The following EIF2B3 variants were observed in gnomAD, a reference collection of about 807,000 sequenced individuals.
The protein encoded by EIF2B3 is translation initiation factor eIF2B subunit gamma.
Under a neutral mutation model 54.1 loss-of-function variants are expected in EIF2B3, and 20 were observed. The ratio of observed to expected loss-of-function variants is 0.37; its 90% confidence interval spans 0.26 to 0.54. EIF2B3 has a LOEUF of 0.54. Among genes scored for constraint, EIF2B3 ranks in the 20% least tolerant of loss-of-function variants. EIF2B3 has a pLI of 0.86. For missense variants in EIF2B3, 448 were observed against 547.8 expected (o/e 0.82, Z 1.82); for synonymous variants, 153 against 188.1 (o/e 0.81, Z 1.52).
In EIF2B3 at chr1:44,879,835, T is replaced by C. The variant is rs757731187; in HGVS notation, c.958A>G (p.Met320Val). ...GCTCTCACCTGTCTGTTTGCTTCCA[T>C]GTAGAGTCCCAGTGTGCTCACTCGA... ...CSRVSTLGLY[M>V]EANRQVPKLL... The change falls in exon 8 of 12, where the codon ATG becomes GTG. Residue 320 changes from methionine to valine, a missense_variant. By Grantham distance (21) the Met-to-Val change is conservative. Coordinates refer to ENST00000360403, the MANE Select transcript of EIF2B3 (RefSeq NM_020365.5). The C allele has an allele frequency of 5.6e-6, 9 of 1,613,890 alleles. No individual in the cohort carries two copies. The highest frequency in any genetic ancestry group is 1.1e-5 in the South Asian group (1 of 91,076).
rs765224340 is a variant in EIF2B3, at chr1:44,852,114, A to ATTTTTTTTTT, written c.1307-1112_1307-1111insAAAAAAAAAA. 2.9e-4 allele frequency among the ~76,000 whole-genome samples: 42 copies of ATTTTTTTTTT among 146,300 alleles called. No homozygotes were observed. The East Asian group carries it at 6.6e-3, about 23-fold the overall frequency. ...CAGGCATATGACGCCACACATGGCT[A>ATTTTTTTTTT]ATTTTTTTTTTTTTTTTTTTTGTAT... On this transcript the variant is annotated intron_variant, in intron 11 of 11. Transcript: ENST00000360403.
intron 6 of EIF2B3, among the ~76,000 whole-genome samples, chr1:44,885,901 A>ATTTTTTTT (rs57544990): frequency 3.8e-5 from 5 of 133,194 alleles, no homozygotes; most frequent in African/African-American, 1.1e-4. Flanking sequence ...CGCTTGGCTA[A>ATTTTTTTT]TTTTTTTTTT....
intron 3 of EIF2B3, among the ~76,000 whole-genome samples, chr1:44,955,587 AATGGGAGAAAATT>A (rs1427135994): frequency 1.6e-4 from 24 of 152,210 alleles, no homozygotes; most frequent in African/African-American, 5.8e-4. Context: ...CAACCTACAG[AATGGGAGAAAATT>A]TTGCAATCTA....
chr1:44,870,511 A>G (rs1654932233), intron 10 of EIF2B3, among the ~76,000 whole-genome samples: 1 of 152,036 alleles, frequency 6.6e-6, no homozygotes, highest in South Asian at 2.1e-4. Context: ...CAGTCTCCTT[A>G]GATTCCTTTT....
chr1:44,908,272 T>C (rs1019087924), intron 5 of EIF2B3, among the ~76,000 whole-genome samples: 25 of 152,210 alleles, frequency 1.6e-4, no homozygotes, highest in Admixed American at 7.2e-4. Flanking sequence ...ACTATCCTTA[T>C]GTAACTTATA....
intron 6 of EIF2B3, among the ~76,000 whole-genome samples, chr1:44,883,619 C>T (rs1431253002): frequency 6.6e-6 from 1 of 152,172 alleles, no homozygotes; most frequent in Non-Finnish European, 1.5e-5. Context: ...TAGACCCCTG[C>T]CCACCAAACC....
chr1:44,902,440 G>C (rs1293442280), intron 5 of EIF2B3, among the ~76,000 whole-genome samples: 1 of 152,024 alleles, frequency 6.6e-6, no homozygotes, highest in East Asian at 1.9e-4. Context: ...GCTGCAGTGA[G>C]CTATGATTGC....
intron 5 of EIF2B3, among the ~76,000 whole-genome samples, chr1:44,899,605 G>T (rs1656104987): frequency 1.3e-5 from 2 of 152,096 alleles, no homozygotes; most frequent in Admixed American, 1.3e-4. Context: ...AGAGAAATAT[G>T]AATCAAAGCC....
intron 5 of EIF2B3, among the ~76,000 whole-genome samples, chr1:44,907,628 C>T (rs1215392616): frequency 2.6e-5 from 4 of 151,666 alleles, no homozygotes; most frequent in South Asian, 2.1e-4. Flanking sequence ...CAGCCGGGCA[C>T]GGTGGCTCAT....
At chr1:44,926,379 G>C (rs528368473) in intron 5 of EIF2B3, among the ~76,000 whole-genome samples, 1 of 151,736 alleles carries the variant, frequency 6.6e-6, no homozygotes, top group African/African-American at 2.4e-5. Context: ...AGACAGTCCT[G>C]TTCTCCTCAC....
Position 44,880,028 on chromosome 1 carries a change from C to T in EIF2B3, c.785-20G>A. On this transcript the variant is annotated intron_variant, in intron 7 of 11. Transcript: ENST00000360403. Reference sequence around the variant, plus strand: ...AGATATCTTCAGAACAAACACCCAACCAAGGAAATAAATGAGAGAGAGATA... The same window carrying T: ...AGATATCTTCAGAACAAACACCCAATCAAGGAAATAAATGAGAGAGAGATA... 6.2e-7 allele frequency: 1 copy of T among 1,612,978 alleles called. No individual in the cohort carries two copies. Among genetic ancestry groups the T allele is most frequent in the Non-Finnish European group, 8.5e-7 (1 of 1,179,106 alleles).
intron 5 of EIF2B3, among the ~76,000 whole-genome samples, chr1:44,911,685 TTTTG>T (rs991238206): frequency 2.4e-4 from 36 of 152,288 alleles, no homozygotes; most frequent in South Asian, 6.2e-4. Flanking sequence ...AGTCTTGCTT[TTTTG>T]TTTGTTTGTT....
chr1:44,948,982 C>T (rs1224553083), intron 3 of EIF2B3, among the ~76,000 whole-genome samples: 1 of 152,054 alleles, frequency 6.6e-6, no homozygotes, highest in Non-Finnish European at 1.5e-5. Flanking sequence ...AATTCTTGTG[C>T]CTCAGCCTCC....
At chr1:44,866,411 C>A (rs59159901) in intron 10 of EIF2B3, among the ~76,000 whole-genome samples, 25,416 of 144,658 alleles carry the variant, frequency 0.18, 2,314 homozygotes, top group Non-Finnish European at 0.18. Context: ...AAAAAAAAAA[C>A]AAACAAAACT....
chr1:44,913,167 A>G (rs536720760), intron 5 of EIF2B3, among the ~76,000 whole-genome samples: 13 of 151,404 alleles, frequency 8.6e-5, no homozygotes, highest in Non-Finnish European at 1.8e-4. Context: ...GCACCAACCT[A>G]ATAGCTACAA....
At chr1:44,956,219 A>G (rs1467042088) in intron 3 of EIF2B3, among the ~76,000 whole-genome samples, 1 of 152,190 alleles carries the variant, frequency 6.6e-6, no homozygotes, top group African/African-American at 2.4e-5. Context: ...TTGCAGAGAC[A>G]TGGATGAAGC....
intron 4 of EIF2B3, among the ~76,000 whole-genome samples, chr1:44,939,874 A>G (rs538962540): frequency 9.2e-5 from 14 of 152,282 alleles, no homozygotes; most frequent in African/African-American, 2.9e-4. Flanking sequence ...TATGAAACAT[A>G]TATCTGTTTA....
intron 3 of EIF2B3, among the ~76,000 whole-genome samples, chr1:44,948,706 A>T (rs1360300893): frequency 6.6e-6 from 1 of 152,148 alleles, no homozygotes; most frequent in Non-Finnish European, 1.5e-5. Context: ...CTTTGAGTAC[A>T]GCCTATTTTG....
chr1:44,984,785 AATAATG>A (rs1315785909), intron 1 of EIF2B3, among the ~76,000 whole-genome samples: 1 of 144,692 alleles, frequency 6.9e-6, no homozygotes, highest in East Asian at 2.1e-4. Flanking sequence ...AAGCAGACAA[AATAATG>A]TCCATCTTTT....
Sources: gnomAD v4.1 joint callset for allele counts (sites outside exome capture counted in the v4.1 genomes callset) on GRCh38, gnomAD v4.1.1 for gene constraint, MANE v1.5 for transcripts, NCBI Gene and HGNC (gene_info 2026-07-23, HGNC 2026-07-21) for gene names.